The following ZNF136 variants were observed in gnomAD, a reference collection of about 807,000 sequenced individuals.
ZNF136 encodes zinc finger protein 136, also known as zinc finger protein 136 (clone pHZ-20).
A neutral mutation model predicts 11.4 loss-of-function variants in ZNF136; 8 were observed. The ratio of observed to expected loss-of-function variants is 0.70; its 90% CI spans 0.41 to 1.27. The LOEUF is 1.27. Ranked by LOEUF, ZNF136 falls within the 50% of genes most tolerant of loss-of-function variation. The probability of loss-of-function intolerance (pLI) is 0.01; values close to 1 mark genes in which losing one functional copy is unlikely to be tolerated. For synonymous variants in ZNF136, 190 were observed against 207.1 expected, an observed-to-expected ratio of 0.92 and a Z score of 0.71; for missense variants, 590 against 656.5, an observed-to-expected ratio of 0.90 and a Z score of 1.11.
At chr19:12,176,977 C>T (rs1463762745) in intron 1 of ZNF136, among the ~76,000 whole-genome samples, 1 of 152,124 alleles carries the variant, frequency 6.6e-6, no homozygotes, top group Non-Finnish European at 1.5e-5. Flanking sequence ...TGTTTGTATG[C>T]CCTTTAAAAT....
intron 1 of ZNF136, among the ~76,000 whole-genome samples, chr19:12,181,515 G>A (rs574826974): frequency 6.0e-5 from 9 of 150,092 alleles, no homozygotes; most frequent in African/African-American, 2.2e-4. Flanking sequence ...TTCTGTCGCC[G>A]AGGCTGGAAT....
In ZNF136 at chr19:12,185,412, G is replaced by A. The variant is rs769394272; in HGVS notation, c.4-373G>A. On this transcript the variant is annotated intron_variant, in intron 1 of 3. Transcript: ENST00000343979. ...ACCTCAGATGAATGTTGTGAGGAGT[G>A]AGGAGCCTTTTTTTAAGGGTAAGCA... 60 of 161,652 alleles carry A rather than the reference G, an allele frequency of 3.7e-4. 1 individual carries two copies. Among genetic ancestry groups the A allele is most frequent in the Non-Finnish European group, 5.3e-5 (4 of 74,772 alleles). The allele number at this position is 161,652 out of a possible 1,614,324, so 10.0% of individuals were successfully genotyped here.
In ZNF136 at chr19:12,187,864, A is replaced by G. The variant is rs201316262; in HGVS notation, c.1486A>G (p.Arg496Gly). ...TTCTAGTTCCTTTCGACTACATGAA[A>G]GGACTCACACTGGACAGAAACCCTA... ...RSSSSFRLHE[R>G]THTGQKPYHC... The change falls in exon 4 of 4, where the codon AGG becomes GGG. Residue 496 changes from arginine (R) to glycine (G), a missense_variant. Transcript: ENST00000343979. 6.2e-7 allele frequency: 1 copy of G among 1,604,366 alleles called. No individual in the cohort carries two copies. Among genetic ancestry groups the G allele is most frequent in the Non-Finnish European group, 8.5e-7 (1 of 1,176,942 alleles).
chr19:12,187,242 CT>C lies in ZNF136; in HGVS notation c.866del (p.Phe289SerfsTer95), dbSNP rs1468509127. ...PFKCKQCGKA[F>X]SCSPTLRIHE... ...TTAAATGTAAGCAATGTGGTAAAGC[CT>C]TCAGTTGTTCCCCAACCTTACGAAT... On this transcript the variant is annotated frameshift_variant, in exon 4 of 4. Transcript: ENST00000343979. LOFTEE classifies it low-confidence loss of function (END_TRUNC). 1 of 1,613,608 alleles carries C rather than the reference CT, an allele frequency of 6.2e-7. No homozygotes were observed. The highest frequency in any genetic ancestry group is 1.1e-5 in the South Asian group (1 of 91,034).
chr19:12,183,833 C>T (rs1915011404), intron 1 of ZNF136, among the ~76,000 whole-genome samples: 1 of 152,160 alleles, frequency 6.6e-6, no homozygotes, highest in South Asian at 2.1e-4. Context: ...AATTCCTGGG[C>T]TCAAACAATC....
chr19:12,182,104 G>A (rs568287718), intron 1 of ZNF136, among the ~76,000 whole-genome samples: 1 of 152,114 alleles, frequency 6.6e-6, no homozygotes, highest in Admixed American at 6.5e-5. Context: ...ATTAGAGAAA[G>A]ATGTCATATT....
At chr19:12,169,112 G>A (rs1424424837) in intron 1 of ZNF136, among the ~76,000 whole-genome samples, 1 of 152,184 alleles carries the variant, frequency 6.6e-6, no homozygotes, top group African/African-American at 2.4e-5. Flanking sequence ...CACCCTCCCA[G>A]CACATCAGGG....
intron 1 of ZNF136, among the ~76,000 whole-genome samples, chr19:12,182,653 C>CA (rs1381899880): frequency 6.6e-6 from 1 of 152,220 alleles, no homozygotes; most frequent in East Asian, 1.9e-4. Flanking sequence ...TGGATTCTCT[C>CA]AGAGTACTTG....
In ZNF136 at chr19:12,187,697, G is replaced by C. The variant is rs1223717297; in HGVS notation, c.1319G>C (p.Arg440Thr). ...TCAACATCAATTCGAATACATGAAA[G>C]AACTCATACTGGAGAGAAACCCTAT... ...VSSTSIRIHE[R>T]THTGEKPYEC... The change falls in exon 4 of 4, where the codon AGA becomes ACA. Residue 440 changes from arginine (R) to threonine (T), a missense_variant. Arg to Thr is a moderately conservative substitution (Grantham distance 71, BLOSUM62 -1). Transcript: ENST00000343979. 6.2e-7 allele frequency: 1 copy of C among 1,613,968 alleles called. No homozygotes were observed. Among genetic ancestry groups the C allele is most frequent in the Non-Finnish European group, 8.5e-7 (1 of 1,180,028 alleles).
In ZNF136 at chr19:12,188,862, G is replaced by C. The variant is rs531108413; in HGVS notation, c.*861G>C. On this transcript the variant is annotated 3_prime_UTR_variant, in exon 4 of 4. Transcript: ENST00000343979. ...CCTATAAATGTAAGTACTTCAAAAA[G>C]CCTCATGCATAGCGGGTCATGTAGT... The C allele has an allele frequency of 6.6e-6, 1 of 151,904 alleles. No individual in the cohort carries two copies. The highest frequency in any genetic ancestry group is 2.4e-5 in the African/African-American group (1 of 41,468). The allele number at this position is 151,904 out of a possible 1,614,324, so 9.4% of individuals were successfully genotyped here. A position where few individuals can be genotyped will look rare whatever the true frequency, so the allele number is the denominator to read the frequency against.
intron 3 of ZNF136, 106 bp downstream of exon 3, chr19:12,186,280 T>G (rs1915081060): frequency 8.3e-7 from 1 of 1,209,134 alleles, no homozygotes; most frequent in Non-Finnish European, 1.1e-6. Context: ...CAAATTGATT[T>G]ATTTTTTGAA....
intron 1 of ZNF136, among the ~76,000 whole-genome samples, chr19:12,172,117 C>T (rs547679595): frequency 2.0e-5 from 3 of 151,526 alleles, no homozygotes; most frequent in Non-Finnish European, 2.9e-5. Context: ...TAGCTGGGAT[C>T]GCAGGTGTGA....
intron 1 of ZNF136, among the ~76,000 whole-genome samples, chr19:12,170,150 A>C (rs375790564): frequency 8.2e-6 from 1 of 121,262 alleles, no homozygotes. Flanking sequence ...GGGTGGTCTC[A>C]ATCTCCTGAC....
intron 1 of ZNF136, among the ~76,000 whole-genome samples, chr19:12,170,885 G>C (rs1914637786): frequency 6.6e-6 from 1 of 150,892 alleles, no homozygotes; most frequent in Admixed American, 6.6e-5. Context: ...GCCCAGTCTG[G>C]AGTGCAATGG....
intron 1 of ZNF136, among the ~76,000 whole-genome samples, chr19:12,176,511 G>A (rs547239802): frequency 6.6e-6 from 1 of 152,172 alleles, no homozygotes; most frequent in East Asian, 1.9e-4. Flanking sequence ...ATTTTTAGTA[G>A]AGATGGGTTT....
rs1915067026 is a variant in ZNF136, at chr19:12,185,906, C to G, written c.125C>G (p.Ser42Cys). The change falls in exon 2 of 4, where the codon TCT becomes TGT. Residue 42 changes from serine to cysteine, a missense_variant. Transcript: ENST00000343979. ...VMWETMRNLA[S>C]IGKKWKDQNI... Reference sequence around the variant, plus strand: ...TGGGAAACCATGAGGAATCTGGCCTCTATAGGTAAGGATTGTATACTTCCA... The same window carrying G: ...TGGGAAACCATGAGGAATCTGGCCTGTATAGGTAAGGATTGTATACTTCCA... The G allele has an allele frequency of 6.2e-7, 1 of 1,613,312 alleles. No individual in the cohort carries two copies. The highest frequency in any genetic ancestry group is 1.7e-5 in the Admixed American group (1 of 59,734).
At chr19:12,174,857 CTTTTT>C (rs538143217) in intron 1 of ZNF136, among the ~76,000 whole-genome samples, 2 of 87,226 alleles carry the variant, frequency 2.3e-5, no homozygotes, top group South Asian at 3.8e-4. Flanking sequence ...GGATGGCTTT[CTTTTT>C]TTTTTTTTTT....
intron 1 of ZNF136, among the ~76,000 whole-genome samples, chr19:12,181,465 T>C (rs1227155103): frequency 6.6e-6 from 1 of 151,552 alleles, no homozygotes; most frequent in Non-Finnish European, 1.5e-5. Flanking sequence ...TGTTTTGTTT[T>C]TGCATTTGTT....
chr19:12,186,245 C>T, intron 3 of ZNF136, 71 bp downstream of exon 3: 2 of 1,436,424 alleles, frequency 1.4e-6, no homozygotes, highest in Non-Finnish European at 1.9e-6. Flanking sequence ...TAAAAACAGG[C>T]AAACATAACT....
Sources: allele counts gnomAD v4.1 joint callset (sites outside exome capture counted in the v4.1 genomes callset), GRCh38; gene constraint gnomAD v4.1.1; transcripts MANE v1.5; gene names NCBI Gene and HGNC (gene_info 2026-07-23, HGNC 2026-07-21).